Variants in ACACA observed in about 807,000 individuals in gnomAD.
ACACA encodes acetyl-CoA carboxylase alpha.
ACACA carries 103 observed loss-of-function variants against 296.1 expected under a neutral mutation model. The observed-to-expected ratio is 0.35, with a 90% confidence interval of 0.30 to 0.41. The LOEUF (loss-of-function observed/expected upper bound fraction) is 0.41. ACACA is among the 10% of genes least tolerant of loss of function. The pLI is 1.00. For missense variants in ACACA, 1,554 were observed against 2,989.7 expected, an observed-to-expected ratio of 0.52 and a Z score of 11.20; for synonymous variants, 953 against 1,038.6, an observed-to-expected ratio of 0.92 and a Z score of 1.58.
intron 29 of ACACA, among the ~76,000 whole-genome samples, chr17:37,215,116 A>G (rs2078925389): frequency 6.6e-6 from 1 of 152,214 alleles, no homozygotes; most frequent in Non-Finnish European, 1.5e-5. Context: ...ATCAGGGGAA[A>G]ACACAGCCGA....
chr17:37,350,105 C>T (rs1302318269), intron 1 of ACACA, among the ~76,000 whole-genome samples: 2 of 151,850 alleles, frequency 1.3e-5, no homozygotes, highest in Admixed American at 6.6e-5. Context: ...TGAGGCATTA[C>T]GACTGCTCAG....
intron 11 of ACACA, 55 bp from the exon 12 acceptor site, chr17:37,259,585 C>A: frequency 1.3e-6 from 2 of 1,593,056 alleles, no homozygotes; most frequent in Admixed American, 1.7e-5. Flanking sequence ...AACTGCTAGA[C>A]CACTACAGCC....
chr17:37,106,407 T>C (rs781152879), intron 52 of ACACA, among the ~76,000 whole-genome samples: 2 of 152,190 alleles, frequency 1.3e-5, no homozygotes, highest in Non-Finnish European at 2.9e-5. Flanking sequence ...AAGGGGGCCA[T>C]ACCTATCTAA....
intron 3 of ACACA, among the ~76,000 whole-genome samples, chr17:37,328,351 G>A (rs2047713832): frequency 6.6e-6 from 1 of 152,162 alleles, no homozygotes; most frequent in African/African-American, 2.4e-5. Context: ...AGGATCGCTT[G>A]AGGCCAGGAG....
chr17:37,122,786 C>A (rs892913942), intron 48 of ACACA, 159 bp from the exon 49 acceptor site: 2 of 713,484 alleles, frequency 2.8e-6, no homozygotes, highest in East Asian at 5.3e-5. Flanking sequence ...TGAGACTCTA[C>A]GGATTTGATA....
At chr17:37,198,773 C>A (rs1401907130) in intron 35 of ACACA, among the ~76,000 whole-genome samples, 2 of 152,132 alleles carry the variant, frequency 1.3e-5, no homozygotes, top group Non-Finnish European at 2.9e-5. Flanking sequence ...ACAAGGTGAA[C>A]TGTATGAAGG....
intron 1 of ACACA, chr17:37,387,628 G>A (rs539257790): frequency 6.6e-6 from 1 of 151,290 alleles, no homozygotes; most frequent in Non-Finnish European, 1.5e-5. Context: ...TGTATTTTTA[G>A]TAGAGACGGG....
intron 52 of ACACA, among the ~76,000 whole-genome samples, chr17:37,105,979 C>G (rs1181413917): frequency 6.6e-6 from 1 of 152,042 alleles, no homozygotes; most frequent in African/African-American, 2.4e-5. Context: ...CTGAATATCT[C>G]AGATGTTAAA....
At chr17:37,309,314 C>T (rs1004813822) in intron 3 of ACACA, among the ~76,000 whole-genome samples, 4 of 152,104 alleles carry the variant, frequency 2.6e-5, no homozygotes, top group African/African-American at 7.2e-5. Flanking sequence ...GCATGAGCCA[C>T]GATGCCTGGC....
rs774579864 is a variant in ACACA at position 37,129,376 on chromosome 17, C to T, written c.5933G>A (p.Arg1978His). The change falls in exon 47 of 56, where the codon CGT (arginine) becomes CAT (histidine). Residue 1978 changes from arginine (R) to histidine (H), a missense_variant. By Grantham distance (29) the Arg-to-His change is conservative (BLOSUM62 0). Around this residue, in one of 16 missense-constraint regions of ACACA, gnomAD observed 553 missense variants for 1,043.6 expected, o/e 0.53. Transcript: ENST00000616317. The stretch of plus-strand genomic sequence containing the variant: ...AAACATATACATACTTGGGTGAGGA[C>T]GGCCTGCTAGCATCCATCGAGGATC... ...PYDPRWMLAG[R>H]PHPTQKGQWL... 1.8e-5 allele frequency: 29 copies of T among 1,613,840 alleles called. No homozygotes were observed. Among genetic ancestry groups the T allele is most frequent in the East Asian group, 6.7e-5 (3 of 44,878 alleles).
chr17:37,316,515 T>C (rs1406883674), intron 3 of ACACA, among the ~76,000 whole-genome samples: 2 of 152,016 alleles, frequency 1.3e-5, no homozygotes, highest in Non-Finnish European at 2.9e-5. Flanking sequence ...CACTAACATA[T>C]CCTATGGGTA....
intron 24 of ACACA, 109 bp from the exon 25 acceptor site, chr17:37,235,208 A>T (rs1240864839): frequency 1.5e-6 from 2 of 1,367,060 alleles, no homozygotes; most frequent in Admixed American, 1.7e-5. Flanking sequence ...GAGAAGAAAC[A>T]TCATAAGGAT....
chr17:37,141,993 GTTTTTTTTGT>G (rs1184367967), intron 45 of ACACA, among the ~76,000 whole-genome samples: 37 of 117,262 alleles, frequency 3.2e-4, no homozygotes, highest in Admixed American at 4.0e-4. Flanking sequence ...GCCTGGCCAA[GTTTTTTTTGT>G]TTTTTTTTGT....
intron 50 of ACACA, among the ~76,000 whole-genome samples, chr17:37,118,271 T>C (rs1306176295): frequency 1.3e-5 from 2 of 152,184 alleles, no homozygotes; most frequent in Non-Finnish European, 2.9e-5. Context: ...GAGAAAGGAA[T>C]GGGTACTTAT....
intron 29 of ACACA, chr17:37,221,448 T>C (rs1323779447): frequency 4.4e-6 from 2 of 454,540 alleles, no homozygotes; most frequent in Admixed American, 3.8e-5. Flanking sequence ...TAGTAAATTC[T>C]TTCTAATTTT....
At chr17:37,191,013 C>T in intron 38 of ACACA, 107 bp downstream of exon 38, 8 of 1,342,740 alleles carry the variant, frequency 6.0e-6, no homozygotes, top group Non-Finnish European at 8.5e-6. Flanking sequence ...AAGGGCTCAA[C>T]AGCCTGAACA....
In ACACA at chr17:37,131,481, T is replaced by G. The variant is rs535940175; in HGVS notation, c.5680-1263A>C. 3.9e-5 allele frequency among the ~76,000 whole-genome samples: 6 copies of G among 152,304 alleles called. 1 individual carries two copies. Among genetic ancestry groups the G allele is most frequent in the Admixed American group, 3.9e-4 (6 of 15,300 alleles). ...TGTAGAGCGCTTACTGTATTTTACC[T>G]TTTCTTTTTCCTTTCCTCTCCTCCT... On this transcript the variant is annotated intron_variant, in intron 45 of 55. Transcript: ENST00000616317.
Position 37,121,391 on chromosome 17 carries a change from A to G in ACACA, c.6238T>C (p.Phe2080Leu). 1 of 1,614,162 alleles carries G rather than the reference A, an allele frequency of 6.2e-7. No homozygotes were observed. Among genetic ancestry groups the G allele is most frequent in the South Asian group, 1.1e-5 (1 of 91,084 alleles). ...CCAGAGAAGCCTCTCCAGTTGGCAA[A>G]GACCATCAGAGGCAGCCCTTCCCGG... ...FNREGLPLMV[F>L]ANWRGFSGGM... The change falls in exon 50 of 56, where the codon TTT (phenylalanine) becomes CTT (leucine). Residue 2080 changes from phenylalanine (F) to leucine (L), a missense_variant. Phe to Leu is a conservative substitution (Grantham distance 22). Coordinates refer to ENST00000616317, the MANE Select transcript of ACACA (RefSeq NM_198834.3).
At position 37,225,040 on chromosome 17, in the gene ACACA, T is replaced by A; in HGVS notation, c.3426A>T (p.Leu1142=). The A allele has an allele frequency of 6.2e-7, 1 of 1,612,646 alleles. No homozygotes were observed. Among genetic ancestry groups the A allele is most frequent in the Non-Finnish European group, 8.5e-7 (1 of 1,179,280 alleles). The change falls in exon 27 of 56, where the codon CTA becomes CTT. Residue 1142 remains leucine, a synonymous_variant. Coordinates refer to ENST00000616317, the MANE Select transcript of ACACA (RefSeq NM_198834.3). The part of the protein sequence containing the change: ...LRHNQVESIF[L]SAIDMYGHQF... ...GATGTCCATACATGTCAATAGCTGA[T>A]AGGAAGATAGACTCTACTTGGTTAT...
Sources: gnomAD v4.1 joint callset for allele counts (sites outside exome capture counted in the v4.1 genomes callset) on GRCh38, gnomAD v4.1.1 for gene constraint, gnomAD v4.1.1 regional missense constraint, MANE v1.5 for transcripts, NCBI Gene and HGNC (gene_info 2026-07-23, HGNC 2026-07-21) for gene names.